The following KHDRBS3 variants were observed in gnomAD, a reference collection of about 807,000 sequenced individuals.
The protein encoded by KHDRBS3 is KH RNA binding domain containing, signal transduction associated 3, also known as KH domain-containing, RNA-binding, signal transduction-associated protein 3.
Under a neutral mutation model 45.6 loss-of-function variants are expected in KHDRBS3, and 23 were observed. The ratio of observed to expected loss-of-function variants is 0.50; its 90% confidence interval spans 0.36 to 0.72. The LOEUF (loss-of-function observed/expected upper bound fraction) is 0.72, where lower values mean the gene tolerates loss of function less well. Ranked by LOEUF, KHDRBS3 falls within the 30% of genes least tolerant of loss-of-function variation. The probability of loss-of-function intolerance (pLI) is 0.00; values close to 1 mark genes in which losing one functional copy is unlikely to be tolerated. For synonymous variants in KHDRBS3, 162 were observed against 156.5 expected (o/e 1.04, Z -0.26); for missense variants, 352 against 424.8 (o/e 0.83, Z 1.51).
chr8:135,521,455 C>T (rs1824905966), intron 2 of KHDRBS3, 100 bp downstream of exon 2: 1 of 678,036 alleles, frequency 1.5e-6, no homozygotes, highest in Non-Finnish European at 2.6e-6. Context: ...GATGTTTTCT[C>T]TTAGCATCCC....
intron 5 of KHDRBS3, among the ~76,000 whole-genome samples, chr8:135,559,180 T>A (rs990040650): frequency 6.6e-6 from 1 of 151,788 alleles, no homozygotes; most frequent in African/African-American, 2.4e-5. Flanking sequence ...TAGAAATTTC[T>A]TTTTCTAGAT....
At chr8:135,590,028 A>C (rs1159663085) in intron 6 of KHDRBS3, among the ~76,000 whole-genome samples, 1 of 152,218 alleles carries the variant, frequency 6.6e-6, no homozygotes, top group Non-Finnish European at 1.5e-5. Flanking sequence ...TTAACAAAGG[A>C]GATACATCCT....
Position 135,521,286 on chromosome 8 carries a change from C to T in KHDRBS3, c.138C>T (p.Ile46=), listed in dbSNP as rs770696822. 2.2e-5 allele frequency: 36 copies of T among 1,613,280 alleles called. No individual in the cohort carries two copies. The highest frequency in any genetic ancestry group is 5.0e-5 in the Admixed American group (3 of 59,976). The stretch of plus-strand genomic sequence containing the variant: ...AAGGCAAGGATGAAGAAAAGTACAT[C>T]GATGTGGTGATTAATAAGAACATGA... The part of the protein sequence containing the change: ...KGEGKDEEKY[I]DVVINKNMKL... The change falls in exon 2 of 9, where the codon ATC becomes ATT. Residue 46 remains isoleucine (I), a synonymous_variant. Transcript: ENST00000355849.
At chr8:135,633,806 G>A (rs1830702381) in intron 7 of KHDRBS3, among the ~76,000 whole-genome samples, 1 of 152,202 alleles carries the variant, frequency 6.6e-6, no homozygotes, top group Non-Finnish European at 1.5e-5. Context: ...CACGTGCACA[G>A]CCTCCCCATT....
intron 6 of KHDRBS3, among the ~76,000 whole-genome samples, chr8:135,587,346 T>C (rs1257906701): frequency 6.6e-6 from 1 of 152,212 alleles, no homozygotes; most frequent in Non-Finnish European, 1.5e-5. Context: ...CACAGCCATT[T>C]GAGTAGGATA....
chr8:135,638,452 C>T (rs1830910879), intron 7 of KHDRBS3, among the ~76,000 whole-genome samples: 1 of 152,076 alleles, frequency 6.6e-6, no homozygotes, highest in Non-Finnish European at 1.5e-5. Context: ...AAACTGAGAA[C>T]CTCAAAAGCA....
chr8:135,591,708 A>C (rs1353782790), intron 6 of KHDRBS3, among the ~76,000 whole-genome samples: 1 of 152,220 alleles, frequency 6.6e-6, no homozygotes, highest in East Asian at 1.9e-4. Flanking sequence ...TTTAGTATAC[A>C]TGTTGTTATT....
At chr8:135,627,695 A>G (rs1830434218) in intron 7 of KHDRBS3, among the ~76,000 whole-genome samples, 1 of 152,216 alleles carries the variant, frequency 6.6e-6, no homozygotes, top group African/African-American at 2.4e-5. Flanking sequence ...ACATACGTAT[A>G]CACCCACATA....
At chr8:135,534,196 A>AT (rs1342870587) in intron 2 of KHDRBS3, among the ~76,000 whole-genome samples, 8 of 147,718 alleles carry the variant, frequency 5.4e-5, no homozygotes, top group Non-Finnish European at 8.9e-5. Flanking sequence ...AATATCCTTT[A>AT]TTTTACAATT....
chr8:135,477,449 T>A (rs943288697), intron 1 of KHDRBS3, among the ~76,000 whole-genome samples: 38 of 152,194 alleles, frequency 2.5e-4, no homozygotes, highest in African/African-American at 7.2e-4. Context: ...GTTTCTGACA[T>A]AATAAGTAAA....
intron 2 of KHDRBS3, chr8:135,539,288 A>T (rs936794697): frequency 6.6e-6 from 1 of 152,304 alleles, no homozygotes; most frequent in Non-Finnish European, 1.5e-5. Flanking sequence ...GCAGCCAAGC[A>T]CATTACCATT....
At chr8:135,619,602 C>T (rs1264474277) in intron 7 of KHDRBS3, among the ~76,000 whole-genome samples, 4 of 152,126 alleles carry the variant, frequency 2.6e-5, no homozygotes, top group South Asian at 2.1e-4. Flanking sequence ...TAAAGTTAAG[C>T]GAAATGGAAA....
intron 1 of KHDRBS3, among the ~76,000 whole-genome samples, chr8:135,475,322 G>C (rs924348990): frequency 2.0e-5 from 3 of 151,996 alleles, no homozygotes; most frequent in Non-Finnish European, 4.4e-5. Context: ...GTTTTGTTTT[G>C]GTTTTTGAGA....
intron 1 of KHDRBS3, among the ~76,000 whole-genome samples, chr8:135,486,429 T>TA (rs1412639170): frequency 6.6e-6 from 1 of 152,138 alleles, no homozygotes; most frequent in Admixed American, 6.5e-5. Context: ...AGTTCTTGGA[T>TA]AAAGGGGAGA....
chr8:135,481,631 G>C, intron 1 of KHDRBS3, among the ~76,000 whole-genome samples: 1 of 152,130 alleles, frequency 6.6e-6, no homozygotes, highest in East Asian at 1.9e-4. Context: ...ATTTCTTTAG[G>C]AGAGCTTTTT....
At chr8:135,560,709 G>A (rs1586723337) in intron 5 of KHDRBS3, among the ~76,000 whole-genome samples, 1 of 152,184 alleles carries the variant, frequency 6.6e-6, no homozygotes, top group African/African-American at 2.4e-5. Context: ...TACAGCATAT[G>A]CATTGCTTGT....
intron 6 of KHDRBS3, among the ~76,000 whole-genome samples, chr8:135,591,871 A>T (rs1190804335): frequency 6.6e-6 from 1 of 152,118 alleles, no homozygotes; most frequent in East Asian, 1.9e-4. Flanking sequence ...TGCAGTGACT[A>T]CTCACATAAT....
At chr8:135,593,574 C>T (rs986746160) in intron 6 of KHDRBS3, among the ~76,000 whole-genome samples, 1 of 152,120 alleles carries the variant, frequency 6.6e-6, no homozygotes, top group African/African-American at 2.4e-5. Flanking sequence ...ACATCCTGGA[C>T]TCAAGCGATC....
At chr8:135,590,894 G>A (rs981177907) in intron 6 of KHDRBS3, among the ~76,000 whole-genome samples, 7 of 152,164 alleles carry the variant, frequency 4.6e-5, no homozygotes, top group African/African-American at 1.4e-4. Flanking sequence ...TCAATGTTGT[G>A]TAATCAATTC....
Sources: gnomAD v4.1 joint callset for allele counts (sites outside exome capture counted in the v4.1 genomes callset) on GRCh38, gnomAD v4.1.1 for gene constraint, MANE v1.5 for transcripts, NCBI Gene and HGNC (gene_info 2026-07-23, HGNC 2026-07-21) for gene names.